The following WBP2NL variants were observed in gnomAD, a reference collection of about 807,000 sequenced individuals.
WBP2NL encodes the protein postacrosomal sheath WW domain-binding protein.
In WBP2NL, 27 loss-of-function variants were observed where a neutral mutation model predicts 23.3. That is an observed-to-expected ratio of 1.16 (90% CI 0.85 to 1.60). The LOEUF is 1.60. Among genes scored for constraint, WBP2NL ranks in the 40% most tolerant of loss-of-function variants. The pLI is 0.00. For missense variants in WBP2NL, 370 were observed against 389.5 expected (o/e 0.95, Z 0.42); for synonymous variants, 151 against 145.9 (o/e 1.03, Z -0.25).
At chr22:42,021,974 A>T (rs539204293) in intron 4 of WBP2NL, among the ~76,000 whole-genome samples, 6 of 151,706 alleles carry the variant, frequency 4.0e-5, no homozygotes, top group East Asian at 3.9e-4. Context: ...TTTTTAAAAA[A>T]TTTTTTGTAG....
rs1924621483 is a variant in WBP2NL at position 42,027,486 on chromosome 22, T to G, written c.*305T>G. ...ACTTTTTCCACACTCGCATTCAAGG[T>G]TCCTGTCTTCCCATCCTCATTCAAG... is the stretch of plus-strand genomic sequence containing the variant. On this transcript the variant is annotated 3_prime_UTR_variant, in exon 6 of 6. Coordinates refer to ENST00000328823, the MANE Select transcript of WBP2NL (RefSeq NM_152613.3). The G allele has an allele frequency of 2.9e-6, 1 of 350,180 alleles. No individual in the cohort carries two copies. Among genetic ancestry groups the G allele is most frequent in the African/African-American group, 2.1e-5 (1 of 48,284 alleles). The allele number at this position is 350,180 out of a possible 1,614,324, so 21.7% of individuals were successfully genotyped here. A position where few individuals can be genotyped will look rare whatever the true frequency, so the allele number is the denominator to read the frequency against.
At chr22:42,022,164 A>T (rs534416717) in intron 4 of WBP2NL, 85 bp from the exon 5 acceptor site, 8 of 1,100,968 alleles carry the variant, frequency 7.3e-6, no homozygotes, top group Admixed American at 1.7e-5. Context: ...TGGTGATTAA[A>T]TACTCTGTTA....
downstream of WBP2NL, chr22:42,032,969 A>G (rs554798906): frequency 1.1e-5 from 2 of 185,936 alleles, no homozygotes; most frequent in East Asian, 3.5e-4. Flanking sequence ...TTCTGGCCAG[A>G]AACCTCTGTG....
At chr22:42,020,868 G>GTATATATA (rs1335645142) in intron 4 of WBP2NL, among the ~76,000 whole-genome samples, 8 of 15,236 alleles carry the variant, frequency 5.3e-4, no homozygotes, top group South Asian at 4.1e-3. Flanking sequence ...GTGTGTGTGT[G>GTATATATA]TATATATATA....
intron 1 of WBP2NL, among the ~76,000 whole-genome samples, chr22:42,008,131 C>G (rs564585784): frequency 6.5e-4 from 86 of 132,656 alleles, no homozygotes; most frequent in African/African-American, 2.2e-3. Context: ...GCTTTCCTTT[C>G]CTTTCCTTTC....
At chr22:42,032,688 T>C (rs958935780), downstream of WBP2NL, 1 of 459,232 alleles carries the variant, frequency 2.2e-6, no homozygotes, top group Admixed American at 2.6e-5. Context: ...GCCTTTGCCT[T>C]GAGAGTCTTC....
At chr22:42,050,498 A>T (rs954555275) in intron 8 of WBP2NL, among the ~76,000 whole-genome samples, 3 of 151,946 alleles carry the variant, frequency 2.0e-5, no homozygotes, top group African/African-American at 7.3e-5. Context: ...ATATATAAAA[A>T]TTAGCTGGGT....
Position 42,028,054 on chromosome 22 carries a change from G to C in WBP2NL, c.*873G>C. ...CTTTCACATTTTAAAATATGCCTGC[G>C]AGAAAACTTGCATGTGTGCACAAAG... On this transcript the variant is annotated 3_prime_UTR_variant, in exon 6 of 6. Coordinates refer to ENST00000328823, the MANE Select transcript of WBP2NL (RefSeq NM_152613.3). 2.5e-6 allele frequency: 1 copy of C among 398,442 alleles called. No homozygotes were observed. The highest frequency in any genetic ancestry group is 4.4e-6 in the Non-Finnish European group (1 of 226,002). The allele number at this position is 398,442 out of a possible 1,614,324, so 24.7% of individuals were successfully genotyped here.
intron 8 of WBP2NL, among the ~76,000 whole-genome samples, chr22:42,045,938 GAC>G (rs1925570773): frequency 6.6e-6 from 1 of 152,212 alleles, no homozygotes; most frequent in African/African-American, 2.4e-5. Context: ...CTTGTTGATA[GAC>G]ACATGCTGTC....
intron 1 of WBP2NL, among the ~76,000 whole-genome samples, chr22:42,008,121 GCTTTCCTTTCCTTTCCTTTCCTTTC>G (rs1185527318): frequency 1.9e-5 from 1 of 53,820 alleles, no homozygotes; most frequent in Non-Finnish European, 4.7e-5. Flanking sequence ...CCTTTCCTTT[GCTTTCCTTTCCTTTCCTTTCCTTTC>G]CTTTCCTTTC....
intron 1 of WBP2NL, among the ~76,000 whole-genome samples, chr22:42,017,452 C>G (rs147235006): frequency 9.8e-4 from 149 of 152,310 alleles, no homozygotes; most frequent in Non-Finnish European, 1.4e-3. Flanking sequence ...TGCAGTCTTT[C>G]TATTAGGTCA....
chr22:42,026,611 A>G (rs1208545468), intron 5 of WBP2NL, among the ~76,000 whole-genome samples, 155 bp from the exon 6 acceptor site: 2 of 152,170 alleles, frequency 1.3e-5, no homozygotes, highest in Non-Finnish European at 2.9e-5. Flanking sequence ...TATGCCTTCA[A>G]TTGGTGATAG....
At chr22:42,056,502 C>G (rs1032306272) in intron 8 of WBP2NL, among the ~76,000 whole-genome samples, 3 of 152,134 alleles carry the variant, frequency 2.0e-5, no homozygotes, top group African/African-American at 7.2e-5. Context: ...ATTCAAGTTA[C>G]TAGTTTCCTT....
intron 1 of WBP2NL, among the ~76,000 whole-genome samples, chr22:42,007,231 T>C (rs1174273519): frequency 6.6e-6 from 1 of 152,322 alleles, no homozygotes; most frequent in East Asian, 1.9e-4. Context: ...GTTTTTTGTT[T>C]GTTTGTGGTT....
At chr22:42,036,378 G>A (rs1379488752), downstream of WBP2NL, among the ~76,000 whole-genome samples, 1 of 152,170 alleles carries the variant, frequency 6.6e-6, no homozygotes, top group Non-Finnish European at 1.5e-5. Context: ...GTTTCAGCAT[G>A]TTAGCCAGGA....
chr22:42,002,167 T>G (rs917034491), intron 1 of WBP2NL, among the ~76,000 whole-genome samples: 7 of 152,234 alleles, frequency 4.6e-5, no homozygotes, highest in Admixed American at 1.3e-4. Context: ...GAAACACTGA[T>G]TTTTGTGGTC....
intron 1 of WBP2NL, among the ~76,000 whole-genome samples, chr22:42,010,982 C>T (rs2146769940): frequency 6.6e-6 from 1 of 152,228 alleles, no homozygotes; most frequent in African/African-American, 2.4e-5. Flanking sequence ...GAGTAAACCC[C>T]ATTTGGTCAT....
intron 1 of WBP2NL, among the ~76,000 whole-genome samples, chr22:42,018,125 G>C: frequency 6.7e-6 from 1 of 149,592 alleles, no homozygotes; most frequent in Admixed American, 6.7e-5. Flanking sequence ...CTCAAACCTG[G>C]GGGACAAGAG....
chr22:42,042,714 C>T (rs1925439938), intron 8 of WBP2NL, among the ~76,000 whole-genome samples: 1 of 152,052 alleles, frequency 6.6e-6, no homozygotes, highest in Non-Finnish European at 1.5e-5. Context: ...GTCATGTTTC[C>T]CTGATTCCTT....
Sources: gnomAD v4.1 joint callset for allele counts (sites outside exome capture counted in the v4.1 genomes callset) on GRCh38, gnomAD v4.1.1 for gene constraint, MANE v1.5 for transcripts, NCBI Gene and HGNC (gene_info 2026-07-23, HGNC 2026-07-21) for gene names.